The following EYS variants were observed in gnomAD, a reference collection of about 807,000 sequenced individuals.
EYS encodes protein eyes shut homolog.
A neutral mutation model predicts 282.1 loss-of-function variants in EYS; 250 were observed. The ratio of observed to expected loss-of-function variants is 0.89; its 90% confidence interval spans 0.80 to 0.98. The LOEUF (loss-of-function observed/expected upper bound fraction) is 0.98. Among genes scored for constraint, EYS ranks in the 50% least tolerant of loss-of-function variants. The pLI is 0.00. For synonymous variants in EYS, 1,355 were observed against 1,282.9 expected (o/e 1.06, Z -1.20); for missense variants, 4,016 against 3,709.0 (o/e 1.08, Z -2.15).
intron 31 of EYS, among the ~76,000 whole-genome samples, chr6:64,227,073 C>T (rs1330420572): frequency 5.3e-5 from 8 of 151,910 alleles, no homozygotes; most frequent in African/African-American, 1.4e-4. Context: ...TAGATGTCTA[C>T]GCAATTATAT....
intron 13 of EYS, among the ~76,000 whole-genome samples, 196 bp from the exon 14 acceptor site, chr6:64,997,899 T>TA (rs200128743): frequency 9.0e-4 from 135 of 149,290 alleles, no homozygotes; most frequent in African/African-American, 2.4e-3. Context: ...CTATTTAACT[T>TA]AAAAAAAAAA....
At chr6:63,791,580 A>G (rs915809158) in intron 37 of EYS, among the ~76,000 whole-genome samples, 3 of 150,014 alleles carry the variant, frequency 2.0e-5, no homozygotes, top group African/African-American at 7.3e-5. Context: ...TCCCTCTCAA[A>G]AAAAAAAAAA....
At chr6:65,480,734 A>G (rs1346009418) in intron 5 of EYS, among the ~76,000 whole-genome samples, 1 of 152,184 alleles carries the variant, frequency 6.6e-6, no homozygotes, top group Non-Finnish European at 1.5e-5. Context: ...ATGCCTGGAT[A>G]AAGAAAATGT....
chr6:64,887,568 T>C (rs1767137624), intron 18 of EYS, among the ~76,000 whole-genome samples: 1 of 152,098 alleles, frequency 6.6e-6, no homozygotes. Context: ...CAACTTTCCA[T>C]AAAATGTTTT....
chr6:65,244,271 T>G (rs574800336), intron 12 of EYS, among the ~76,000 whole-genome samples: 2 of 152,304 alleles, frequency 1.3e-5, no homozygotes, highest in East Asian at 3.9e-4. Context: ...TTTTATCTTA[T>G]TTTCCCTAAT....
intron 13 of EYS, among the ~76,000 whole-genome samples, chr6:65,008,118 C>T (rs1771742642): frequency 6.6e-6 from 1 of 152,126 alleles, no homozygotes; most frequent in South Asian, 2.1e-4. Context: ...ATTGGTGCCA[C>T]AAACATTTGC....
intron 22 of EYS, among the ~76,000 whole-genome samples, chr6:64,685,924 G>C (rs754759349): frequency 1.3e-5 from 2 of 151,942 alleles, no homozygotes; most frequent in Non-Finnish European, 2.9e-5. Flanking sequence ...TAAATTGTAA[G>C]AGTTTGAAAT....
At chr6:65,365,876 G>T (rs980887554) in intron 8 of EYS, among the ~76,000 whole-genome samples, 3 of 151,672 alleles carry the variant, frequency 2.0e-5, no homozygotes, top group African/African-American at 7.2e-5. Flanking sequence ...TTCTCACTTT[G>T]TAATGTGGAT....
chr6:65,398,581 C>G (rs1766376963), intron 7 of EYS, among the ~76,000 whole-genome samples: 1 of 152,026 alleles, frequency 6.6e-6, no homozygotes, highest in South Asian at 2.1e-4. Context: ...TGACTAAGTT[C>G]TCAAAAGGAA....
intron 12 of EYS, among the ~76,000 whole-genome samples, chr6:65,257,820 A>G (rs944798834): frequency 6.6e-6 from 1 of 152,024 alleles, no homozygotes; most frequent in Non-Finnish European, 1.5e-5. Flanking sequence ...GGAGATAGTG[A>G]GTAGAATGAT....
At chr6:64,088,055 C>A (rs952414884) in intron 31 of EYS, among the ~76,000 whole-genome samples, 2 of 151,998 alleles carry the variant, frequency 1.3e-5, no homozygotes, top group African/African-American at 4.8e-5. Flanking sequence ...TGACAGGAAA[C>A]AACAATTATA....
intron 29 of EYS, among the ~76,000 whole-genome samples, chr6:64,372,467 A>G (rs948689937): frequency 2.0e-5 from 3 of 151,806 alleles, no homozygotes; most frequent in African/African-American, 7.3e-5. Flanking sequence ...AGCTGCCTTT[A>G]ACATTTTTTC....
intron 33 of EYS, among the ~76,000 whole-genome samples, chr6:64,063,839 C>G (rs887089919): frequency 6.6e-6 from 1 of 152,134 alleles, no homozygotes; most frequent in African/African-American, 2.4e-5. Flanking sequence ...AGGGGATTCT[C>G]CCGCCTCAGC....
rs2150286348 is a variant in EYS at position 65,296,043 on chromosome 6, A to C, written c.1843T>G (p.Ser615Ala). 1 of 1,551,054 alleles carries C rather than the reference A, an allele frequency of 6.4e-7. No homozygotes were observed. The highest frequency in any genetic ancestry group is 2.0e-5 in the Admixed American group (1 of 50,946). Residue 615 changes from serine (S) to alanine (A), a missense_variant, in exon 12 of 43, where the codon TCA (serine) becomes GCA (alanine). Physicochemically the swap from Ser to Ala is moderately conservative, Grantham distance 99. Transcript: ENST00000503581. ...AGGGCCAGGCAGAGGCCATGCACTG[A>C]TATACTGTGGTTCCCTAAGCAATAG... ...VDYCLGNHSISVHGLCLALSH... is the reference protein window; with the variant it reads ...VDYCLGNHSIAVHGLCLALSH...
chr6:63,887,004 A>C (rs932008584), intron 35 of EYS, among the ~76,000 whole-genome samples: 1 of 152,202 alleles, frequency 6.6e-6, no homozygotes, highest in Non-Finnish European at 1.5e-5. Context: ...TTCTCCTTTG[A>C]ATCAGACATT....
chr6:63,923,389 C>T (rs1764626508), intron 35 of EYS, among the ~76,000 whole-genome samples: 1 of 151,852 alleles, frequency 6.6e-6, no homozygotes, highest in African/African-American at 2.4e-5. Flanking sequence ...GACAGTATTA[C>T]GGTAAACGAA....
intron 12 of EYS, among the ~76,000 whole-genome samples, chr6:65,240,608 A>T (rs1237576094): frequency 1.3e-5 from 2 of 152,084 alleles, no homozygotes; most frequent in East Asian, 3.9e-4. Flanking sequence ...ACTGCAAAGG[A>T]TGTGATTTTG....
intron 29 of EYS, among the ~76,000 whole-genome samples, chr6:64,327,546 G>T (rs1178698812): frequency 6.6e-6 from 1 of 152,016 alleles, no homozygotes; most frequent in Non-Finnish European, 1.5e-5. Flanking sequence ...TAGTCACCGG[G>T]GTTGGAGAAC....
intron 24 of EYS, among the ~76,000 whole-genome samples, chr6:64,599,320 T>C (rs1348167489): frequency 6.6e-6 from 1 of 152,120 alleles, no homozygotes; most frequent in Non-Finnish European, 1.5e-5. Context: ...TAGACTGACC[T>C]GGAGTGGAAA....
Sources: gnomAD v4.1 joint callset for allele counts (sites outside exome capture counted in the v4.1 genomes callset) on GRCh38, gnomAD v4.1.1 for gene constraint, MANE v1.5 for transcripts, NCBI Gene and HGNC (gene_info 2026-07-23, HGNC 2026-07-21) for gene names.